The following BARX2 variants were observed in gnomAD, a reference collection of about 807,000 sequenced individuals.
BARX2 encodes BARX homeobox 2.
In BARX2, 11 loss-of-function variants were observed where a neutral mutation model predicts 25.5. The observed-to-expected ratio is 0.43, with a 90% CI of 0.27 to 0.71. The LOEUF is 0.71. Among genes scored for constraint, BARX2 ranks in the 30% least tolerant of loss-of-function variants. The probability of loss-of-function intolerance (pLI) is 0.19; values close to 1 mark genes in which losing one functional copy is unlikely to be tolerated. For missense variants in BARX2, 360 were observed against 359.9 expected, an observed-to-expected ratio of 1.00 and a Z score of 0.00; for synonymous variants, 137 against 149.5, an observed-to-expected ratio of 0.92 and a Z score of 0.61.
At chr11:129,441,837 A>G (rs117188441) in intron 2 of BARX2, among the ~76,000 whole-genome samples, 2,698 of 152,238 alleles carry the variant, frequency 0.018, 35 homozygotes, top group Non-Finnish European at 0.026. Flanking sequence ...CCAAGCCTCA[A>G]CTCTCTTATC....
chr11:129,451,402 A>G lies in BARX2; in HGVS notation c.840A>G (p.Ter280=). The change falls in exon 4 of 4, where the codon TAA becomes TAG. Residue 280 remains the stop codon, a stop_retained_variant. Coordinates refer to ENST00000281437, the MANE Select transcript of BARX2 (RefSeq NM_003658.5). The part of the protein sequence containing the change: ...IPSSEPPPLS[*] ...CTTCGGAACCCCCACCATTAAGCTAAAGTAAAACCCTTTTGAGGGAAGAGG... is the reference window on the plus strand; with the variant it reads ...CTTCGGAACCCCCACCATTAAGCTAGAGTAAAACCCTTTTGAGGGAAGAGG... 1 of 1,611,392 alleles carries G rather than the reference A, an allele frequency of 6.2e-7. No homozygotes were observed. The highest frequency in any genetic ancestry group is 8.5e-7 in the Non-Finnish European group (1 of 1,177,760).
At chr11:129,409,350 G>A (rs1861864315) in intron 1 of BARX2, among the ~76,000 whole-genome samples, 1 of 152,160 alleles carries the variant, frequency 6.6e-6, no homozygotes, top group Non-Finnish European at 1.5e-5. Context: ...GAATTCTTCA[G>A]TGTGTTTTTT....
At chr11:129,388,881 T>C (rs945885882) in intron 1 of BARX2, among the ~76,000 whole-genome samples, 1 of 152,196 alleles carries the variant, frequency 6.6e-6, no homozygotes, top group Non-Finnish European at 1.5e-5. Flanking sequence ...CGGTCCTGGG[T>C]TTTATTGTAT....
At chr11:129,383,250 A>G (rs1861586365) in intron 1 of BARX2, among the ~76,000 whole-genome samples, 1 of 152,240 alleles carries the variant, frequency 6.6e-6, no homozygotes, top group African/African-American at 2.4e-5. Flanking sequence ...AAATAAAAAC[A>G]CAGTTAATTT....
chr11:129,387,696 G>T lies in BARX2; in HGVS notation c.187+11474G>T, dbSNP rs551461001. Among the ~76,000 whole-genome samples the T allele has an allele frequency of 3.9e-5, 6 of 152,312 alleles. No homozygotes were observed. In the South Asian group the frequency reaches 1.2e-3, roughly 32 times the overall value. On this transcript the variant is annotated intron_variant, in intron 1 of 3. Transcript: ENST00000281437. ...TCATCAGTTCAGAGCAAGGCATGAA[G>T]GAACATCCTATTGGAGTGCTTGCTT... is the stretch of plus-strand genomic sequence containing the variant.
intron 1 of BARX2, among the ~76,000 whole-genome samples, chr11:129,378,821 G>A (rs569463895): frequency 2.5e-4 from 38 of 149,442 alleles, no homozygotes; most frequent in African/African-American, 9.1e-4. Context: ...ATAAAATTGG[G>A]ATGGAAAGAA....
At chr11:129,433,823 T>A (rs1339078741) in intron 1 of BARX2, among the ~76,000 whole-genome samples, 1 of 152,214 alleles carries the variant, frequency 6.6e-6, no homozygotes, top group African/African-American at 2.4e-5. Flanking sequence ...TATCACTACC[T>A]GGCACTATTT....
chr11:129,403,936 G>A (rs1411337786), intron 1 of BARX2, among the ~76,000 whole-genome samples: 1 of 152,142 alleles, frequency 6.6e-6, no homozygotes, highest in Non-Finnish European at 1.5e-5. Flanking sequence ...ATGTTGCCCA[G>A]GCTAACTAGT....
intron 2 of BARX2, chr11:129,437,332 G>A (rs1862203635): frequency 1.6e-6 from 1 of 620,916 alleles, no homozygotes; most frequent in Non-Finnish European, 2.2e-6. Flanking sequence ...GTCCAGTTTA[G>A]CAAATGGTTG....
At chr11:129,416,482 T>G (rs547360808) in intron 1 of BARX2, among the ~76,000 whole-genome samples, 1 of 152,372 alleles carries the variant, frequency 6.6e-6, no homozygotes, top group Admixed American at 6.5e-5. Flanking sequence ...CAATGGATTA[T>G]CTTTGGCTAT....
chr11:129,437,120 G>T, intron 2 of BARX2, 69 bp downstream of exon 2: 1 of 1,437,890 alleles, frequency 7.0e-7, no homozygotes, highest in Middle Eastern at 1.9e-4. Flanking sequence ...TCCCATTGTG[G>T]GCCGTGGAGC....
intron 2 of BARX2, 65 bp downstream of exon 2, chr11:129,437,116 T>C: frequency 2.8e-6 from 4 of 1,446,478 alleles, no homozygotes; most frequent in Non-Finnish European, 3.7e-6. Context: ...TTGCTCCCAT[T>C]GTGGGCCGTG....
intron 3 of BARX2, among the ~76,000 whole-genome samples, chr11:129,444,967 C>G (rs1430179660): frequency 6.6e-6 from 1 of 152,010 alleles, no homozygotes; most frequent in African/African-American, 2.4e-5. Flanking sequence ...CACCATTGCT[C>G]TCCAGTCTGG....
At chr11:129,419,688 G>A (rs1861982262) in intron 1 of BARX2, among the ~76,000 whole-genome samples, 1 of 152,078 alleles carries the variant, frequency 6.6e-6, no homozygotes, top group Admixed American at 6.6e-5. Flanking sequence ...AAGACACCAG[G>A]CTGATTTAGG....
At chr11:129,379,553 A>C (rs1330801349) in intron 1 of BARX2, among the ~76,000 whole-genome samples, 4 of 152,038 alleles carry the variant, frequency 2.6e-5, no homozygotes, top group South Asian at 2.1e-4. Context: ...CTTGGTGGAA[A>C]AGCCCACTTG....
chr11:129,450,914 A>C (rs1862390683), intron 3 of BARX2, among the ~76,000 whole-genome samples: 1 of 152,188 alleles, frequency 6.6e-6, no homozygotes, highest in Admixed American at 6.5e-5. Flanking sequence ...TGTTGTATTA[A>C]ATGCCAAAAT....
At chr11:129,418,988 G>C (rs898213197) in intron 1 of BARX2, among the ~76,000 whole-genome samples, 1 of 152,206 alleles carries the variant, frequency 6.6e-6, no homozygotes, top group African/African-American at 2.4e-5. Flanking sequence ...CCATGTCTGC[G>C]TGGGTTTTCT....
At chr11:129,401,872 C>T (rs1175194749) in intron 1 of BARX2, among the ~76,000 whole-genome samples, 5 of 151,566 alleles carry the variant, frequency 3.3e-5, no homozygotes, top group South Asian at 4.2e-4. Flanking sequence ...GAGAGAATCG[C>T]TTGAACCCAG....
At chr11:129,403,202 T>A (rs1426431677) in intron 1 of BARX2, among the ~76,000 whole-genome samples, 1 of 152,244 alleles carries the variant, frequency 6.6e-6, no homozygotes, top group African/African-American at 2.4e-5. Flanking sequence ...TGTCAGTCAT[T>A]TACTTTGAAA....
Sources: gnomAD v4.1 joint callset for allele counts (sites outside exome capture counted in the v4.1 genomes callset) on GRCh38, gnomAD v4.1.1 for gene constraint, MANE v1.5 for transcripts, NCBI Gene and HGNC (gene_info 2026-07-23, HGNC 2026-07-21) for gene names.